The following SPTBN2 variants were observed in gnomAD, a reference collection of about 807,000 sequenced individuals.
SPTBN2 encodes the protein spectrin beta, non-erythrocytic 2.
SPTBN2 carries 107 observed loss-of-function variants against 284.2 expected under a neutral mutation model. The observed-to-expected ratio is 0.38, with a 90% CI of 0.32 to 0.44. SPTBN2 has a LOEUF of 0.44. Ranked by LOEUF, SPTBN2 falls within the 20% of genes least tolerant of loss-of-function variation. SPTBN2 has a pLI of 1.00. For missense variants in SPTBN2, 2,569 were observed against 3,287.1 expected (o/e 0.78, Z 5.34); for synonymous variants, 1,289 against 1,354.8 (o/e 0.95, Z 1.07).
At chr11:66,716,063 T>G in intron 3 of SPTBN2, 82 bp from the exon 4 acceptor site, 1 of 1,591,426 alleles carries the variant, frequency 6.3e-7, no homozygotes, top group Non-Finnish European at 8.6e-7. Context: ...GGGTGGGGGA[T>G]GGAGAAGCCT....
rs1225548776 is a variant in SPTBN2, at chr11:66,685,061, A to T, written c.*810T>A. ...TTTAAAAAGAGGCTTGGCATTGGTCAACCCAGCACACTGGAGGTCACTGTC... is the reference window on the plus strand; with the variant it reads ...TTTAAAAAGAGGCTTGGCATTGGTCTACCCAGCACACTGGAGGTCACTGTC... On this transcript the variant is annotated 3_prime_UTR_variant, in exon 38 of 38. Coordinates refer to ENST00000533211, the MANE Select transcript of SPTBN2 (RefSeq NM_006946.4). This position sits in a 1 kb window ranked among gnomAD's most constrained non-coding sequence, Gnocchi z 4.4. 6.6e-6 allele frequency among the ~76,000 whole-genome samples: 1 copy of T among 152,194 alleles called. No homozygotes were observed. The highest frequency in any genetic ancestry group is 2.4e-5 in the African/African-American group (1 of 41,450).
In SPTBN2 at chr11:66,701,180, C is replaced by G; in HGVS notation, c.2919G>C (p.Trp973Cys). The change falls in exon 17 of 38, where the codon TGG becomes TGC. Residue 973 changes from tryptophan to cysteine, a missense_variant. Coordinates refer to ENST00000533211, the MANE Select transcript of SPTBN2 (RefSeq NM_006946.4). ...YHLECTETQA[W>C]MREKTKVIES... is the part of the protein sequence containing the mutation. Reference sequence around the variant, plus strand: ...CGATGACTTTGGTCTTCTCTCTCATCCAGGCCTGGGTCTCCGTGCACTCTA... The same window carrying G: ...CGATGACTTTGGTCTTCTCTCTCATGCAGGCCTGGGTCTCCGTGCACTCTA... 1.2e-6 allele frequency: 2 copies of G among 1,613,188 alleles called. No individual in the cohort carries two copies. Among genetic ancestry groups the G allele is most frequent in the Non-Finnish European group, 1.7e-6 (2 of 1,180,044 alleles).
chr11:66,715,771 C>T lies in SPTBN2; in HGVS notation c.309+59G>A, dbSNP rs1254027016. Reference sequence around the variant, plus strand: ...CTCTCTCTGAGGGCTGTTCTTCCAGCTGGTCCCCTTGGACACTTTTCTAAG... The same window carrying T: ...CTCTCTCTGAGGGCTGTTCTTCCAGTTGGTCCCCTTGGACACTTTTCTAAG... On this transcript the variant is annotated intron_variant, in intron 4 of 37. Coordinates refer to ENST00000533211, the MANE Select transcript of SPTBN2 (RefSeq NM_006946.4). The surrounding 1 kb of genome is among the most constrained non-coding windows in gnomAD (Gnocchi z 5.3). 1.2e-6 allele frequency: 2 copies of T among 1,600,182 alleles called. No homozygotes were observed. The highest frequency in any genetic ancestry group is 1.1e-5 in the South Asian group (1 of 89,088).
intron 1 of SPTBN2, chr11:66,728,326 CGCGGGGCGG>C (rs1314768774): frequency 2.1e-5 from 3 of 144,568 alleles, no homozygotes; most frequent in African/African-American, 7.5e-5. Flanking sequence ...GCGGGGGGCG[CGCGGGGCGG>C]GCGGCGGCGG....
At chr11:66,724,057 C>G (rs1942527945) in intron 1 of SPTBN2, among the ~76,000 whole-genome samples, 1 of 152,190 alleles carries the variant, frequency 6.6e-6, no homozygotes, top group Admixed American at 6.5e-5. Flanking sequence ...TGACCCCTTA[C>G]TAGGAGTCAC....
rs1016756756 is a variant in SPTBN2, at chr11:66,708,717, T to C, written c.1191+185A>G. Among the ~76,000 whole-genome samples the C allele has an allele frequency of 1.3e-5, 2 of 152,168 alleles. No individual in the cohort carries two copies. The highest frequency in any genetic ancestry group is 4.8e-5 in the African/African-American group (2 of 41,430). On this transcript the variant is annotated intron_variant, in intron 11 of 37. Coordinates refer to ENST00000533211, the MANE Select transcript of SPTBN2 (RefSeq NM_006946.4). This position sits in a 1 kb window ranked among gnomAD's most constrained non-coding sequence, Gnocchi z 4.4. ...ACAAAGGGACAGGGAGCCGTGTGCC[T>C]GAGAGGATGGGAGAATCACATCTGG... is the stretch of plus-strand genomic sequence containing the variant.
At chr11:66,726,558 G>C (rs1188240188) in intron 1 of SPTBN2, among the ~76,000 whole-genome samples, 1 of 152,204 alleles carries the variant, frequency 6.6e-6, no homozygotes, top group Non-Finnish European at 1.5e-5. Context: ...GTGTGACCCA[G>C]GGTTAGCTTC....
intron 8 of SPTBN2, among the ~76,000 whole-genome samples, chr11:66,711,745 G>C (rs1941876609): frequency 6.6e-6 from 1 of 152,224 alleles, no homozygotes; most frequent in South Asian, 2.1e-4. Context: ...GCAGGCAGGA[G>C]CCACTGAAGT....
Position 66,685,527 on chromosome 11 carries a change from T to C in SPTBN2, c.*344A>G, listed in dbSNP as rs1415064442. ...CCCTCGCATGGCAGGAGAATGACCCTGAGGCAGGGGCAGCCACTCCCCACA... is the reference window on the plus strand; with the variant it reads ...CCCTCGCATGGCAGGAGAATGACCCCGAGGCAGGGGCAGCCACTCCCCACA... On this transcript the variant is annotated 3_prime_UTR_variant, in exon 38 of 38. Coordinates refer to ENST00000533211, the MANE Select transcript of SPTBN2 (RefSeq NM_006946.4). The surrounding 1 kb of genome is among the most constrained non-coding windows in gnomAD (Gnocchi z 4.4). 1 of 343,816 alleles carries C rather than the reference T, an allele frequency of 2.9e-6. No homozygotes were observed. Among genetic ancestry groups the C allele is most frequent in the Non-Finnish European group, 5.6e-6 (1 of 178,752 alleles). 21.3% of individuals were successfully genotyped at this position (343,816 alleles called of 1,614,324 possible).
chr11:66,740,564 C>CTG (rs1272247401), intron 1 of SPTBN2, among the ~76,000 whole-genome samples: 1 of 152,218 alleles, frequency 6.6e-6, no homozygotes, highest in Admixed American at 6.5e-5. Flanking sequence ...ATGAGCTAAT[C>CTG]TGAGCCTCAT....
Position 66,705,395 on chromosome 11 carries a change from G to C in SPTBN2, c.1881C>G (p.Cys627Trp), listed in dbSNP as rs146859515. 4 of 1,612,882 alleles carry C rather than the reference G, an allele frequency of 2.5e-6. No homozygotes were observed. The highest frequency in any genetic ancestry group is 1.7e-5 in the Admixed American group (1 of 60,016). Residue 627 changes from cysteine to tryptophan, a missense_variant, in exon 15 of 38, where the codon TGC becomes TGG. Cys to Trp is a radical substitution (Grantham distance 215, BLOSUM62 -2). Coordinates refer to ENST00000533211, the MANE Select transcript of SPTBN2 (RefSeq NM_006946.4). Reference protein sequence around the residue: ...AKLEQSYEALCELAAARRARL... With the variant: ...AKLEQSYEALWELAAARRARL... Reference sequence around the variant, plus strand: ...GGGCCCGCCGCGCCGCTGCCAACTCGCACAGTGCCTCATAGCTCTGCTCTA... The same window carrying C: ...GGGCCCGCCGCGCCGCTGCCAACTCCCACAGTGCCTCATAGCTCTGCTCTA...
intron 21 of SPTBN2, among the ~76,000 whole-genome samples, chr11:66,694,897 T>A (rs1204395525): frequency 6.6e-6 from 1 of 152,130 alleles, no homozygotes; most frequent in Non-Finnish European, 1.5e-5. Flanking sequence ...GGTTCCAAGG[T>A]GCTTTTCTTC....
chr11:66,705,538 C>A, intron 14 of SPTBN2, 70 bp from the exon 15 acceptor site: 2 of 1,608,552 alleles, frequency 1.2e-6, no homozygotes, highest in Non-Finnish European at 1.7e-6. Context: ...ACCACACTCT[C>A]TTGGACTTCC....
At position 66,694,377 on chromosome 11, in the gene SPTBN2, G is replaced by A. The variant is rs771594952; in HGVS notation, c.4279-14C>T. ...CCATTCCAGCATCTGCAAACCGCCAGGAGGAAGGACATGTTAGCTCTGCAT... is the reference window on the plus strand; with the variant it reads ...CCATTCCAGCATCTGCAAACCGCCAAGAGGAAGGACATGTTAGCTCTGCAT... On this transcript the variant is annotated splice_polypyrimidine_tract_variant and intron_variant, in intron 21 of 37. Coordinates refer to ENST00000533211, the MANE Select transcript of SPTBN2 (RefSeq NM_006946.4). 4.3e-6 allele frequency: 7 copies of A among 1,613,050 alleles called. No individual in the cohort carries two copies. In the African/African-American group the frequency reaches 9.3e-5, roughly 22 times the overall value.
In SPTBN2 at chr11:66,690,069, T is replaced by C. The variant is rs1471902719; in HGVS notation, c.5780A>G (p.Asn1927Ser). Residue 1927 changes from asparagine to serine, a missense_variant, in exon 28 of 38, where the codon AAC (asparagine) becomes AGC (serine). Transcript: ENST00000533211. Reference protein sequence around the residue: ...RELMLWMDEVNLQMDAQERPR... With the variant: ...RELMLWMDEVSLQMDAQERPR... Reference sequence around the variant, plus strand: ...ACGCTCCTGGGCATCCATCTGCAGGTTGACCTCATCCATCCAGAGCATCAG... The same window carrying C: ...ACGCTCCTGGGCATCCATCTGCAGGCTGACCTCATCCATCCAGAGCATCAG... The C allele has an allele frequency of 6.2e-7, 1 of 1,614,252 alleles. No homozygotes were observed. The highest frequency in any genetic ancestry group is 1.7e-5 in the Admixed American group (1 of 60,030).
chr11:66,717,339 C>G (rs1942194508), intron 3 of SPTBN2, among the ~76,000 whole-genome samples: 1 of 152,146 alleles, frequency 6.6e-6, no homozygotes, highest in African/African-American at 2.4e-5. Flanking sequence ...CACAGAGAGC[C>G]CTGTGCAAGG....
At chr11:66,733,691 T>C (rs550914325), upstream of SPTBN2, among the ~76,000 whole-genome samples, 5 of 152,224 alleles carry the variant, frequency 3.3e-5, no homozygotes, top group African/African-American at 9.6e-5. Flanking sequence ...TTGAAGGGGA[T>C]AGATGAGCAT....
Position 66,696,271 on chromosome 11 carries a change from G to A in SPTBN2, c.4278+6C>T. 4.3e-6 allele frequency: 7 copies of A among 1,610,408 alleles called. No individual in the cohort carries two copies. Among genetic ancestry groups the A allele is most frequent in the Non-Finnish European group, 5.9e-6 (7 of 1,179,960 alleles). On this transcript the variant is annotated splice_donor_region_variant and intron_variant, in intron 21 of 37. Coordinates refer to ENST00000533211, the MANE Select transcript of SPTBN2 (RefSeq NM_006946.4). ...TCACCATCCCCATCAAAGGCCCACA[G>A]CACACCTGCTGCTTCTTGAGCAGGA...
chr11:66,718,131 G>T lies in SPTBN2; in HGVS notation c.158-2150C>A, dbSNP rs916112209. Among the ~76,000 whole-genome samples, 1 of 152,158 alleles carries T rather than the reference G, an allele frequency of 6.6e-6. No individual in the cohort carries two copies. Among genetic ancestry groups the T allele is most frequent in the African/African-American group, 2.4e-5 (1 of 41,424 alleles). On this transcript the variant is annotated intron_variant, in intron 3 of 37. Coordinates refer to ENST00000533211, the MANE Select transcript of SPTBN2 (RefSeq NM_006946.4). The surrounding 1 kb of genome is among the most constrained non-coding windows in gnomAD (Gnocchi z 4.8). Reference sequence around the variant, plus strand: ...CACTGCTGGCGCCTCCCCAGGTGCTGGCACCCCCACGCCCTCCATGGCTAG... The same window carrying T: ...CACTGCTGGCGCCTCCCCAGGTGCTTGCACCCCCACGCCCTCCATGGCTAG...
Sources: gnomAD v4.1 joint callset for allele counts (sites outside exome capture counted in the v4.1 genomes callset) on GRCh38, gnomAD v4.1.1 for gene constraint, Gnocchi (gnomAD v3.1) non-coding constraint, MANE v1.5 for transcripts, NCBI Gene and HGNC (gene_info 2026-07-23, HGNC 2026-07-21) for gene names.